SUSD6: variants seen among roughly 807,000 people sequenced by gnomAD.
SUSD6 encodes sushi domain-containing protein 6.
In SUSD6, 16 loss-of-function variants were observed where a neutral mutation model predicts 28.4. That is an observed-to-expected ratio of 0.56 (90% confidence interval 0.38 to 0.86). The LOEUF is 0.86. Among genes scored for constraint, SUSD6 ranks in the 40% least tolerant of loss-of-function variants. The pLI is 0.00. For missense variants in SUSD6, 341 were observed against 384.2 expected, an observed-to-expected ratio of 0.89 and a Z score of 0.94; for synonymous variants, 147 against 159.6, an observed-to-expected ratio of 0.92 and a Z score of 0.59.
At chr14:69,668,525 CT>C (rs1885779057) in intron 2 of SUSD6, among the ~76,000 whole-genome samples, 1 of 151,414 alleles carries the variant, frequency 6.6e-6, no homozygotes, top group Non-Finnish European at 1.5e-5. Flanking sequence ...ATCCCAGCTA[CT>C]TGGGAGGCTG....
intron 1 of SUSD6, among the ~76,000 whole-genome samples, chr14:69,650,074 A>T (rs1186027084): frequency 6.6e-6 from 1 of 152,204 alleles, no homozygotes; most frequent in Non-Finnish European, 1.5e-5. Context: ...GCTTTAAAAA[A>T]TTTTTAGAAT....
At chr14:69,628,400 T>C (rs143175700) in intron 1 of SUSD6, among the ~76,000 whole-genome samples, 2,007 of 152,348 alleles carry the variant, frequency 0.013, 21 homozygotes, top group Non-Finnish European at 0.021. Context: ...GCTACAGAGA[T>C]ACTGCTGGTG....
chr14:69,684,454 G>A (rs1203815614), intron 2 of SUSD6, among the ~76,000 whole-genome samples: 1 of 152,234 alleles, frequency 6.6e-6, no homozygotes, highest in Non-Finnish European at 1.5e-5. Context: ...GTGGGGACAA[G>A]CAAGCATAAA....
intron 3 of SUSD6, among the ~76,000 whole-genome samples, chr14:69,704,093 C>G (rs1886350537): frequency 6.6e-6 from 1 of 152,166 alleles, no homozygotes; most frequent in Non-Finnish European, 1.5e-5. Flanking sequence ...AAGACCAGAG[C>G]ATGTTTAACC....
intron 1 of SUSD6, among the ~76,000 whole-genome samples, chr14:69,638,679 A>T (rs1343216271): frequency 1.3e-5 from 2 of 152,176 alleles, no homozygotes; most frequent in African/African-American, 2.4e-5. Flanking sequence ...TTCATTTCTA[A>T]CAAGCTCCCA....
intron 1 of SUSD6, among the ~76,000 whole-genome samples, chr14:69,636,090 G>A (rs1230170762): frequency 1.3e-5 from 2 of 152,248 alleles, no homozygotes; most frequent in Non-Finnish European, 2.9e-5. Flanking sequence ...ACTATGAGAA[G>A]AGGAGGAATT....
intron 2 of SUSD6, among the ~76,000 whole-genome samples, chr14:69,682,376 T>C (rs1173297813): frequency 6.6e-6 from 1 of 152,104 alleles, no homozygotes; most frequent in African/African-American, 2.4e-5. Flanking sequence ...ATACAAGAAG[T>C]AATTAGGTAA....
intron 2 of SUSD6, among the ~76,000 whole-genome samples, chr14:69,681,698 G>A (rs574719857): frequency 2.0e-5 from 3 of 152,354 alleles, no homozygotes; most frequent in Admixed American, 6.5e-5. Flanking sequence ...GATGGGAAAA[G>A]TAAGATAGTA....
intron 1 of SUSD6, among the ~76,000 whole-genome samples, chr14:69,652,168 CAT>C (rs933294127): frequency 3.3e-5 from 5 of 152,148 alleles, no homozygotes; most frequent in Non-Finnish European, 5.9e-5. Flanking sequence ...ACAGAGGAGC[CAT>C]GGTTTAGGAA....
intron 4 of SUSD6, among the ~76,000 whole-genome samples, chr14:69,705,043 C>T (rs766489904): frequency 2.6e-5 from 4 of 152,096 alleles, no homozygotes; most frequent in African/African-American, 4.8e-5. Flanking sequence ...AGGCTGCGCG[C>T]GGTGGCTCAT....
At chr14:69,702,856 G>T (rs1886331583) in intron 2 of SUSD6, among the ~76,000 whole-genome samples, 1 of 152,206 alleles carries the variant, frequency 6.6e-6, no homozygotes, top group South Asian at 2.1e-4. Flanking sequence ...ATAGAGACAG[G>T]TGGTGCCATT....
intron 1 of SUSD6, among the ~76,000 whole-genome samples, chr14:69,655,643 A>AAAAAAAAAAAGT (rs1488598031): frequency 1.3e-5 from 2 of 152,042 alleles, no homozygotes; most frequent in East Asian, 3.9e-4. Flanking sequence ...TTTAAAAGAA[A>AAAAAAAAAAAGT]AAAAAAAAAA....
At chr14:69,634,543 A>G (rs1287459340) in intron 1 of SUSD6, among the ~76,000 whole-genome samples, 1 of 152,190 alleles carries the variant, frequency 6.6e-6, no homozygotes, top group Non-Finnish European at 1.5e-5. Context: ...TCTTAGATCC[A>G]CCTAGGACTG....
intron 2 of SUSD6, among the ~76,000 whole-genome samples, chr14:69,670,276 A>C (rs531827075): frequency 6.6e-6 from 1 of 152,184 alleles, no homozygotes; most frequent in South Asian, 2.1e-4. Flanking sequence ...GCACTGGAGG[A>C]ATGCAGAGTT....
rs754946539 is a variant in SUSD6, at chr14:69,703,460, C to G, written c.187C>G (p.Pro63Ala). Residue 63 changes from proline (P) to alanine (A), a missense_variant, in exon 3 of 6, where the codon CCC (proline) becomes GCC (alanine). Transcript: ENST00000342745. ...CTGCCACCCCCGGCCCTGCAGAGAC[C>G]CCCTGACAGCAGGCAGTGTCATCGA... ...YICHPRPCRDPLTAGSVIEYL... is the reference protein window; with the variant it reads ...YICHPRPCRDALTAGSVIEYL... The G allele has an allele frequency of 1.2e-6, 2 of 1,614,090 alleles. No individual in the cohort carries two copies. The highest frequency in any genetic ancestry group is 2.2e-5 in the South Asian group (2 of 91,070).
chr14:69,624,834 AT>A (rs1320646428), intron 1 of SUSD6, among the ~76,000 whole-genome samples: 1 of 152,164 alleles, frequency 6.6e-6, no homozygotes, highest in Non-Finnish European at 1.5e-5. Flanking sequence ...CAAAATTTTG[AT>A]TATTGCCTGG....
At chr14:69,652,859 GC>G (rs1464303594) in intron 1 of SUSD6, among the ~76,000 whole-genome samples, 1 of 152,156 alleles carries the variant, frequency 6.6e-6, no homozygotes, top group Non-Finnish European at 1.5e-5. Flanking sequence ...TGTGTTGCAG[GC>G]CCTTACCAGA....
At chr14:69,701,749 C>T (rs977963090) in intron 2 of SUSD6, among the ~76,000 whole-genome samples, 3 of 152,096 alleles carry the variant, frequency 2.0e-5, no homozygotes, top group African/African-American at 7.2e-5. Context: ...GAGAAGCTGC[C>T]AGACTTCTCT....
At chr14:69,654,548 T>C (rs1179009554) in intron 1 of SUSD6, among the ~76,000 whole-genome samples, 1 of 151,972 alleles carries the variant, frequency 6.6e-6, no homozygotes, top group African/African-American at 2.4e-5. Context: ...AGCAATTAGG[T>C]TTTTGGGATT....
Sources: gnomAD v4.1 joint callset for allele counts (sites outside exome capture counted in the v4.1 genomes callset) on GRCh38, gnomAD v4.1.1 for gene constraint, MANE v1.5 for transcripts, NCBI Gene and HGNC (gene_info 2026-07-23, HGNC 2026-07-21) for gene names.